Variants in YEATS4 observed in about 807,000 individuals in gnomAD.
The protein encoded by YEATS4 is YEATS domain containing 4.
In YEATS4, 17 loss-of-function variants were observed where a neutral mutation model predicts 30.1. That is an observed-to-expected ratio of 0.56 (90% CI 0.39 to 0.85). The LOEUF is 0.85. Among genes scored for constraint, YEATS4 ranks in the 40% least tolerant of loss-of-function variants. YEATS4 has a pLI of 0.00. For missense variants in YEATS4, 142 were observed against 268.3 expected, an observed-to-expected ratio of 0.53 and a Z score of 3.29; for synonymous variants, 85 against 87.5, an observed-to-expected ratio of 0.97 and a Z score of 0.16.
intron 6 of YEATS4, among the ~76,000 whole-genome samples, chr12:69,381,134 C>T (rs902767275): frequency 1.2e-4 from 19 of 152,228 alleles, no homozygotes; most frequent in Non-Finnish European, 1.8e-4. Context: ...TCCTAATAAG[C>T]CTGGGAGTGC....
the YEATS4 span, among the ~76,000 whole-genome samples, chr12:69,404,632 G>C: frequency 2.6e-5 from 4 of 152,318 alleles, no homozygotes; most frequent in East Asian, 7.7e-4. Flanking sequence ...CCAGCCTCCA[G>C]AACCATGAGC....
the YEATS4 span, among the ~76,000 whole-genome samples, chr12:69,409,023 AT>A: frequency 6.6e-6 from 1 of 152,138 alleles, no homozygotes; most frequent in African/African-American, 2.4e-5. Context: ...TACAATCGAG[AT>A]TTTAATATAT....
At chr12:69,379,157 G>C (rs2121011271) in intron 6 of YEATS4, among the ~76,000 whole-genome samples, 1 of 152,166 alleles carries the variant, frequency 6.6e-6, no homozygotes, top group East Asian at 1.9e-4. Context: ...ACTTGTTTTT[G>C]TGTTTATTTC....
chr12:69,412,064 G>A, the YEATS4 span, among the ~76,000 whole-genome samples: 1 of 152,226 alleles, frequency 6.6e-6, no homozygotes, highest in Non-Finnish European at 1.5e-5. Context: ...TGAGGGACAG[G>A]AGCCCATGTC....
At chr12:69,361,677 T>G (rs1875216255) in intron 1 of YEATS4, among the ~76,000 whole-genome samples, 1 of 152,200 alleles carries the variant, frequency 6.6e-6, no homozygotes, top group Non-Finnish European at 1.5e-5. Flanking sequence ...TTCAGATACA[T>G]TTCTGTAACT....
chr12:69,398,888 CGCCTGTAATCCCA>C, the YEATS4 span, among the ~76,000 whole-genome samples: 1 of 151,310 alleles, frequency 6.6e-6, no homozygotes, highest in African/African-American at 2.4e-5. Flanking sequence ...TGGTGGCTCA[CGCCTGTAATCCCA>C]GCACTTTAAG....
At chr12:69,368,876 T>G (rs1159544171) in intron 4 of YEATS4, among the ~76,000 whole-genome samples, 3 of 152,200 alleles carry the variant, frequency 2.0e-5, no homozygotes, top group Admixed American at 2.0e-4. Flanking sequence ...CCCTAATGAC[T>G]TCATTGTAAT....
intron 6 of YEATS4, among the ~76,000 whole-genome samples, chr12:69,383,105 A>T (rs1056343360): frequency 3.3e-5 from 5 of 152,070 alleles, no homozygotes; most frequent in South Asian, 2.1e-4. Flanking sequence ...TACAAAAAAA[A>T]TTTTTTTAAT....
At chr12:69,400,626 T>C in the YEATS4 span, among the ~76,000 whole-genome samples, 10 of 150,322 alleles carry the variant, frequency 6.7e-5, no homozygotes, top group East Asian at 1.6e-3. Context: ...GGCATGAGGA[T>C]CACATGAGCC....
At chr12:69,424,905 A>G in the YEATS4 span, among the ~76,000 whole-genome samples, 1 of 152,032 alleles carries the variant, frequency 6.6e-6, no homozygotes, top group Non-Finnish European at 1.5e-5. Flanking sequence ...GGGTCTTAGT[A>G]TATATTTATT....
chr12:69,421,568 C>G, the YEATS4 span, among the ~76,000 whole-genome samples: 1 of 152,118 alleles, frequency 6.6e-6, no homozygotes, highest in Non-Finnish European at 1.5e-5. Context: ...TCAGGAAGTA[C>G]AGAGAGTTCA....
chr12:69,393,860 A>G (rs1868333392), downstream of YEATS4, among the ~76,000 whole-genome samples: 1 of 152,204 alleles, frequency 6.6e-6, no homozygotes. Context: ...TGTCAGAGAA[A>G]ATCATTTTTT....
chr12:69,423,663 C>G, the YEATS4 span, among the ~76,000 whole-genome samples: 2 of 152,052 alleles, frequency 1.3e-5, no homozygotes, highest in African/African-American at 4.8e-5. Flanking sequence ...TTGGACTTGC[C>G]CTATAGACAA....
At chr12:69,370,550 A>G (rs1875597998) in intron 4 of YEATS4, among the ~76,000 whole-genome samples, 156 bp from the exon 5 acceptor site, 1 of 152,182 alleles carries the variant, frequency 6.6e-6, no homozygotes, top group Admixed American at 6.5e-5. Context: ...GGTACAGAAA[A>G]TTTGGGTGAT....
the YEATS4 span, among the ~76,000 whole-genome samples, chr12:69,418,506 T>C: frequency 1.3e-5 from 2 of 152,194 alleles, no homozygotes; most frequent in African/African-American, 4.8e-5. Flanking sequence ...GATTGTCAGT[T>C]TGCTCTCCTT....
intron 6 of YEATS4, among the ~76,000 whole-genome samples, chr12:69,387,250 A>G (rs1026198310): frequency 4.6e-5 from 7 of 152,262 alleles, no homozygotes; most frequent in Non-Finnish European, 8.8e-5. Context: ...GTCAGCCCCA[A>G]TAGTAATAAG....
the YEATS4 span, among the ~76,000 whole-genome samples, chr12:69,402,035 C>T: frequency 2.6e-5 from 4 of 152,186 alleles, no homozygotes; most frequent in East Asian, 1.9e-4. Flanking sequence ...AAAGAGGAGG[C>T]GTTAGTCTTG....
At position 69,365,688 on chromosome 12, in the gene YEATS4, A is replaced by G. The variant is rs774329860; in HGVS notation, c.227A>G (p.Asn76Ser). Residue 76 changes from asparagine to serine, a missense_variant, in exon 3 of 7, where the codon AAT (asparagine) becomes AGT (serine). Coordinates refer to ENST00000247843, the MANE Select transcript of YEATS4 (RefSeq NM_006530.4). ...TTTAAATTACATGAAAGCTATGGCA[A>G]TCCTTTAAGAGGTACAATATAGTCT... ...IQFKLHESYGNPLRVVTKPPY... is the reference protein window; with the variant it reads ...IQFKLHESYGSPLRVVTKPPY... 1.1e-5 allele frequency: 18 copies of G among 1,612,022 alleles called. No homozygotes were observed. Among genetic ancestry groups the G allele is most frequent in the South Asian group, 3.3e-5 (3 of 90,812 alleles).
chr12:69,381,839 T>A (rs559530346), intron 6 of YEATS4, among the ~76,000 whole-genome samples: 1 of 152,336 alleles, frequency 6.6e-6, no homozygotes, highest in East Asian at 1.9e-4. Flanking sequence ...TCTTGATTTT[T>A]ACCCAGGATT....
Sources: gnomAD v4.1 joint callset for allele counts (sites outside exome capture counted in the v4.1 genomes callset) on GRCh38, gnomAD v4.1.1 for gene constraint, MANE v1.5 for transcripts, NCBI Gene and HGNC (gene_info 2026-07-23, HGNC 2026-07-21) for gene names.